The following SGK1 variants were observed in gnomAD, a reference collection of about 807,000 sequenced individuals.
SGK1 encodes serine/threonine-protein kinase Sgk1.
SGK1 carries 26 observed loss-of-function variants against 64.2 expected under a neutral mutation model. The observed-to-expected ratio is 0.40, with a 90% CI of 0.30 to 0.56. The LOEUF (loss-of-function observed/expected upper bound fraction) is 0.56. Among genes scored for constraint, SGK1 ranks in the 20% least tolerant of loss-of-function variants. The pLI, the probability that SGK1 is intolerant of heterozygous loss-of-function variation, is 0.38. For missense variants in SGK1, 519 were observed against 645.6 expected (o/e 0.80, Z 2.12); for synonymous variants, 265 against 239.7 (o/e 1.11, Z -0.98).
intron 1 of SGK1, chr6:134,298,401 G>A: frequency 8.6e-7 from 1 of 1,156,328 alleles, no homozygotes. Context: ...CAAACTTGTT[G>A]CTGAGGGTCT....
intron 2 of SGK1, among the ~76,000 whole-genome samples, chr6:134,225,641 A>G (rs896885374): frequency 9.2e-5 from 14 of 152,196 alleles, no homozygotes; most frequent in Non-Finnish European, 1.9e-4. Context: ...TTGTGTCATT[A>G]TCTCAGCTGA....
intron 3 of SGK1, among the ~76,000 whole-genome samples, chr6:134,201,601 A>C (rs1775685669): frequency 1.3e-5 from 2 of 152,004 alleles, no homozygotes; most frequent in Non-Finnish European, 2.9e-5. Context: ...ATCTCAGGTG[A>C]TCCACCTGCC....
intron 1 of SGK1, among the ~76,000 whole-genome samples, chr6:134,282,202 G>A (rs1423863977): frequency 6.6e-6 from 1 of 151,716 alleles, no homozygotes; most frequent in African/African-American, 2.4e-5. Flanking sequence ...TTTGAGACAG[G>A]GTCTCACTCT....
intron 3 of SGK1, among the ~76,000 whole-genome samples, chr6:134,203,029 A>G (rs1441413906): frequency 2.6e-5 from 4 of 152,156 alleles, no homozygotes; most frequent in Non-Finnish European, 5.9e-5. Flanking sequence ...AGATCACTTG[A>G]GGTCAAGAGA....
chr6:134,300,972 T>G (rs534005452), intron 1 of SGK1, among the ~76,000 whole-genome samples: 12 of 152,242 alleles, frequency 7.9e-5, no homozygotes, highest in African/African-American at 2.6e-4. Context: ...TAGAATATGC[T>G]GATGAATTGC....
At chr6:134,255,373 T>C (rs9493873) in intron 2 of SGK1, among the ~76,000 whole-genome samples, 6,166 of 151,954 alleles carry the variant, frequency 0.041, 222 homozygotes, top group East Asian at 0.12. Flanking sequence ...AGACATGGAT[T>C]TGCTAAATTA....
rs1554226249 is a variant in SGK1, at chr6:134,269,671, AAGAG to A, written c.70-7527_70-7524del. Reference sequence around the variant, plus strand: ...AGACTCTGTCTCAAAAAAAAAAAAAAAGAGAGAGAGAAAGTAAGAGACCTGCATG... The same window carrying A: ...AGACTCTGTCTCAAAAAAAAAAAAAAAGAGAGAAAGTAAGAGACCTGCATG... On this transcript the variant is annotated intron_variant, in intron 1 of 13. Coordinates refer to ENST00000367858, the MANE Select transcript of SGK1 (RefSeq NM_001143676.3). Among the ~76,000 whole-genome samples, 3 of 146,534 alleles carry A rather than the reference AAGAG, an allele frequency of 2.0e-5. 1 individual carries two copies. The highest frequency in any genetic ancestry group is 5.0e-4 in the East Asian group (2 of 3,982).
chr6:134,303,386 T>C (rs1213021473), intron 1 of SGK1, among the ~76,000 whole-genome samples: 1 of 151,636 alleles, frequency 6.6e-6, no homozygotes, highest in East Asian at 2.0e-4. Flanking sequence ...AGCAAGACTC[T>C]GTCTCAAAAA....
chr6:134,301,558 CTTCTCTTCTCTTCTCTTCT>C (rs1413488591), intron 1 of SGK1, among the ~76,000 whole-genome samples: 22 of 87,778 alleles, frequency 2.5e-4, no homozygotes, highest in Non-Finnish European at 4.4e-4. Flanking sequence ...CTTCTCTTCT[CTTCTCTTCTCTTCTCTTCT>C]CTTCTCTTCC....
intron 3 of SGK1, among the ~76,000 whole-genome samples, chr6:134,193,736 C>A (rs1319317721): frequency 1.6e-5 from 2 of 126,972 alleles, no homozygotes; most frequent in Non-Finnish European, 3.3e-5. Context: ...CCTAAGCTAG[C>A]CTTGCTCTGC....
At chr6:134,175,449 C>T in intron 3 of SGK1, 1 of 1,314,324 alleles carries the variant, frequency 7.6e-7, no homozygotes, top group Non-Finnish European at 9.7e-7. Context: ...CGCCGGGACC[C>T]CGGCCCCGAG....
chr6:134,174,896 A>T (rs979287797), intron 3 of SGK1: 1 of 1,584,772 alleles, frequency 6.3e-7, no homozygotes, highest in African/African-American at 1.4e-5. Context: ...CTTATAAAAA[A>T]GGCACCGCCG....
intron 2 of SGK1, among the ~76,000 whole-genome samples, chr6:134,241,750 A>G (rs1360934919): frequency 6.6e-6 from 1 of 152,072 alleles, no homozygotes; most frequent in Non-Finnish European, 1.5e-5. Context: ...CCTCCCGAGT[A>G]GCTGGGACTA....
chr6:134,175,543 C>T, intron 3 of SGK1: 1 of 1,517,050 alleles, frequency 6.6e-7, no homozygotes, highest in Non-Finnish European at 8.9e-7. Context: ...GCGGCGCTTA[C>T]CCAGTCCGCT....
At chr6:134,297,168 T>G (rs1777367955) in intron 1 of SGK1, 2 of 665,888 alleles carry the variant, frequency 3.0e-6, no homozygotes, top group Non-Finnish European at 5.5e-6. Context: ...ACCACCTGCA[T>G]AGCCGCTGGT....
intron 3 of SGK1, chr6:134,174,864 T>C (rs889631630): frequency 6.8e-6 from 11 of 1,609,872 alleles, no homozygotes; most frequent in Non-Finnish European, 9.3e-6. Context: ...CGGCGTATGC[T>C]GCGCCAGGCC....
intron 3 of SGK1, among the ~76,000 whole-genome samples, chr6:134,176,525 A>C (rs1447189046): frequency 6.6e-6 from 1 of 152,142 alleles, no homozygotes; most frequent in African/African-American, 2.4e-5. Flanking sequence ...CTGGCCGGGA[A>C]GCCGCGAGCA....
At chr6:134,225,392 C>T (rs990781163) in intron 2 of SGK1, among the ~76,000 whole-genome samples, 6 of 151,316 alleles carry the variant, frequency 4.0e-5, no homozygotes, top group Non-Finnish European at 5.9e-5. Context: ...ATTGTGGATC[C>T]AGACTCTGGC....
At chr6:134,174,375 T>C in intron 4 of SGK1, 136 bp downstream of exon 4, 1 of 649,770 alleles carries the variant, frequency 1.5e-6, no homozygotes, top group Non-Finnish European at 2.7e-6. Context: ...GTGTCAAATA[T>C]ATTAGAATTT....
Sources: allele counts gnomAD v4.1 joint callset (sites outside exome capture counted in the v4.1 genomes callset), GRCh38; gene constraint gnomAD v4.1.1; transcripts MANE v1.5; gene names NCBI Gene and HGNC (gene_info 2026-07-23, HGNC 2026-07-21).